LTC4S: variants seen among roughly 807,000 people sequenced by gnomAD.
LTC4S encodes the protein LTC4 synthase.
LTC4S carries 18 observed loss-of-function variants against 19.6 expected under a neutral mutation model. The ratio of observed to expected loss-of-function variants is 0.92; its 90% CI spans 0.64 to 1.36. The LOEUF is 1.36. Among genes scored for constraint, LTC4S ranks in the 40% most tolerant of loss-of-function variants. The probability of loss-of-function intolerance (pLI) is 0.00; values close to 1 mark genes in which losing one functional copy is unlikely to be tolerated. For missense variants in LTC4S, 235 were observed against 212.2 expected (o/e 1.11, Z -0.67); for synonymous variants, 126 against 110.1 (o/e 1.14, Z -0.91).
chr5:179,795,515 A>G (rs1208177078), intron 1 of LTC4S, 69 bp from the exon 2 acceptor site: 5 of 1,543,482 alleles, frequency 3.2e-6, no homozygotes, highest in Non-Finnish European at 4.4e-6. Context: ...AGATTGCAGG[A>G]TCCCTCCCAC....
intron 1 of LTC4S, among the ~76,000 whole-genome samples, chr5:179,794,477 T>C (rs779803845): frequency 1.2e-4 from 18 of 152,086 alleles, no homozygotes; most frequent in Non-Finnish European, 8.8e-5. Flanking sequence ...TGGAGCAGGG[T>C]AGAGGTGGGA....
At position 179,795,975 on chromosome 5, in the gene LTC4S, C is replaced by A; in HGVS notation, c.264C>A (p.Phe88Leu). Residue 88 changes from phenylalanine to leucine, a missense_variant, in exon 4 of 5, where the codon TTC becomes TTA. Transcript: ENST00000292596. ...CCCTGTGCGGCCTGGTCTACCTGTTCGCGCGCCTCCGCTACTTCCAGGGCT... is the reference window on the plus strand; with the variant it reads ...CCCTGTGCGGCCTGGTCTACCTGTTAGCGCGCCTCCGCTACTTCCAGGGCT... ...AAALCGLVYL[F>L]ARLRYFQGYA... 1 of 1,543,092 alleles carries A rather than the reference C, an allele frequency of 6.5e-7. No individual in the cohort carries two copies. Among genetic ancestry groups the A allele is most frequent in the Non-Finnish European group, 8.7e-7 (1 of 1,150,556 alleles).
chr5:179,795,563 C>T, intron 1 of LTC4S, 21 bp from the exon 2 acceptor site: 2 of 1,598,644 alleles, frequency 1.3e-6, no homozygotes, highest in East Asian at 2.3e-5. Context: ...GACCTGACTC[C>T]CGCTCCCCCT....
intron 2 of LTC4S, 47 bp from the exon 3 acceptor site, chr5:179,795,739 C>T (rs1756584650): frequency 6.4e-7 from 1 of 1,565,322 alleles, no homozygotes. Flanking sequence ...GGGTCCGGGT[C>T]GCAGGACCAT....
Position 179,794,041 on chromosome 5 carries a change from C to G in LTC4S, c.-40C>G. 16 of 1,613,202 alleles carry G rather than the reference C, an allele frequency of 9.9e-6. No homozygotes were observed. The highest frequency in any genetic ancestry group is 1.4e-5 in the Non-Finnish European group (16 of 1,179,822). ...AGACGGGGCTAAGCGTTCCCCAGCT[C>G]GCCTTCACACACAGCCCGTGCCACC... is the stretch of plus-strand genomic sequence containing the variant. On this transcript the variant is annotated 5_prime_UTR_variant, in exon 1 of 5. Transcript: ENST00000292596.
Position 179,795,575 on chromosome 5 carries a change from C to T in LTC4S, c.59-9C>T. 6.2e-7 allele frequency: 1 copy of T among 1,606,116 alleles called. No individual in the cohort carries two copies. Among genetic ancestry groups the T allele is most frequent in the Non-Finnish European group, 8.5e-7 (1 of 1,177,166 alleles). On this transcript the variant is annotated splice_polypyrimidine_tract_variant and intron_variant, in intron 1 of 4. Transcript: ENST00000292596. ...CCAGACCTGACTCCCGCTCCCCCTC[C>T]TCCCCCAGCCTACTTCTCCCTGCAG...
chr5:179,796,445 A>C lies in LTC4S; in HGVS notation c.*51A>C, dbSNP rs956810591. 6.9e-7 allele frequency: 1 copy of C among 1,452,304 alleles called. No homozygotes were observed. The highest frequency in any genetic ancestry group is 9.0e-7 in the Non-Finnish European group (1 of 1,107,138). 90.0% of individuals were successfully genotyped at this position (1,452,304 alleles called of 1,614,324 possible). ...CCGGGAAAGAAGAGCCGGAGCCTCC[A>C]GCTGCCCCGGGGAGGGGCGCTCGCT... On this transcript the variant is annotated 3_prime_UTR_variant, in exon 5 of 5. Transcript: ENST00000292596.
At chr5:179,795,747 C>T in intron 2 of LTC4S, 39 bp from the exon 3 acceptor site, 2 of 1,567,494 alleles carry the variant, frequency 1.3e-6, no homozygotes, top group South Asian at 2.3e-5. Context: ...GTCGCAGGAC[C>T]ATCCCGGCCG....
In LTC4S at chr5:179,795,592, T is replaced by C. The variant is rs777587042; in HGVS notation, c.67T>C (p.Ser23Pro). 3 of 1,609,178 alleles carry C rather than the reference T, an allele frequency of 1.9e-6. No homozygotes were observed. The African/African-American group carries it at 4.0e-5, about 22-fold the overall frequency. Residue 23 changes from serine (S) to proline (P), a missense_variant, in exon 2 of 5, where the codon TCC becomes CCC. Ser to Pro is a moderately conservative substitution (Grantham distance 74, BLOSUM62 -1). Transcript: ENST00000292596. ...TCCCCCTCCTCCCCCAGCCTACTTCTCCCTGCAGGTGATCTCGGCGCGCAG... is the reference window on the plus strand; with the variant it reads ...TCCCCCTCCTCCCCCAGCCTACTTCCCCCTGCAGGTGATCTCGGCGCGCAG... ...LLGVLLQAYF[S>P]LQVISARRAF...
At chr5:179,795,710 C>G (rs1444806219) in intron 2 of LTC4S, 27 bp downstream of exon 2, 6 of 1,571,086 alleles carry the variant, frequency 3.8e-6, no homozygotes, top group Non-Finnish European at 5.2e-6. Context: ...GGGCGCGGGG[C>G]GGGGAGCGAG....
Position 179,796,281 on chromosome 5 carries a change from G to A in LTC4S, c.340G>A (p.Ala114Thr). 6.8e-7 allele frequency: 1 copy of A among 1,468,388 alleles called. No homozygotes were observed. The highest frequency in any genetic ancestry group is 9.0e-7 in the Non-Finnish European group (1 of 1,116,220). The allele number at this position is 1,468,388 out of a possible 1,614,324, so 91.0% of individuals were successfully genotyped here. A position where few individuals can be genotyped will look rare whatever the true frequency, so the allele number is the denominator to read the frequency against. The change falls in exon 5 of 5, where the codon GCC becomes ACC. Residue 114 changes from alanine (A) to threonine (T), a missense_variant. By Grantham distance (58) the Ala-to-Thr change is moderately conservative. Coordinates refer to ENST00000292596, the MANE Select transcript of LTC4S (RefSeq NM_145867.2). ...GGCACCGCTGTACGCGAGCGCGCGC[G>A]CCCTCTGGCTGCTGGTGGCGCTGGC... ...RLAPLYASAR[A>T]LWLLVALAAL...
rs751120439 is a variant in LTC4S at position 179,795,838 on chromosome 5, G to C, written c.211G>C (p.Gly71Arg). The change falls in exon 3 of 5, where the codon GGC becomes CGC. Residue 71 changes from glycine to arginine, a missense_variant. Gly to Arg is a moderately radical substitution (Grantham distance 125). Coordinates refer to ENST00000292596, the MANE Select transcript of LTC4S (RefSeq NM_145867.2). ...GTTCCTCGCCACGCTCTGGGTCGCC[G>C]GCATCTTCTTTCATGAAGGTCGGGG... is the stretch of plus-strand genomic sequence containing the variant. ...PLFLATLWVA[G>R]IFFHEGAAAL... 5.0e-6 allele frequency: 8 copies of C among 1,606,414 alleles called. No homozygotes were observed. In the East Asian group the frequency reaches 1.1e-4, roughly 22 times the overall value.
At position 179,796,505 on chromosome 5, in the gene LTC4S, G is replaced by A; in HGVS notation, c.*111G>A. 3 of 1,332,036 alleles carry A rather than the reference G, an allele frequency of 2.3e-6. No individual in the cohort carries two copies. The highest frequency in any genetic ancestry group is 2.9e-6 in the Non-Finnish European group (3 of 1,040,306). The allele number at this position is 1,332,036 out of a possible 1,614,324, so 82.5% of individuals were successfully genotyped here. The stretch of plus-strand genomic sequence containing the variant: ...TAGTCTCTATCATTAAAGTTCTAGT[G>A]ACCGAGACCCGGGCTGCGTTCTCTG... On this transcript the variant is annotated 3_prime_UTR_variant, in exon 5 of 5. Transcript: ENST00000292596.
chr5:179,796,298 G>A lies in LTC4S; in HGVS notation c.357G>A (p.Val119=), dbSNP rs939789578. 3.4e-6 allele frequency: 5 copies of A among 1,473,360 alleles called. No individual in the cohort carries two copies. In the African/African-American group the frequency reaches 4.4e-5, roughly 13 times the overall value. The allele number at this position is 1,473,360 out of a possible 1,614,324, so 91.3% of individuals were successfully genotyped here. ...YASARALWLL[V]ALAALGLLAH... Reference sequence around the variant, plus strand: ...GCGCGCGCGCCCTCTGGCTGCTGGTGGCGCTGGCTGCGCTCGGCCTGCTCG... The same window carrying A: ...GCGCGCGCGCCCTCTGGCTGCTGGTAGCGCTGGCTGCGCTCGGCCTGCTCG... Residue 119 remains valine (V), a synonymous_variant, in exon 5 of 5, where the codon GTG becomes GTA. Coordinates refer to ENST00000292596, the MANE Select transcript of LTC4S (RefSeq NM_145867.2).
intron 1 of LTC4S, chr5:179,795,377 C>T: frequency 7.0e-7 from 1 of 1,434,452 alleles, no homozygotes; most frequent in Non-Finnish European, 9.1e-7. Flanking sequence ...AGGCTTCAGC[C>T]CTGCCCTCCT....
In LTC4S at chr5:179,796,260, C is replaced by T. The variant is rs952901639; in HGVS notation, c.319C>T (p.Pro107Ser). ...YARSAQLRLA[P>S]LYASARALWL... Reference sequence around the variant, plus strand: ...GCTGACCGCCGCCCGCAGGCTGGCACCGCTGTACGCGAGCGCGCGCGCCCT... The same window carrying T: ...GCTGACCGCCGCCCGCAGGCTGGCATCGCTGTACGCGAGCGCGCGCGCCCT... Residue 107 changes from proline (P) to serine (S), a missense_variant, in exon 5 of 5, where the codon CCG becomes TCG. By Grantham distance (74) the Pro-to-Ser change is moderately conservative (BLOSUM62 -1). Coordinates refer to ENST00000292596, the MANE Select transcript of LTC4S (RefSeq NM_145867.2). 8 of 1,465,516 alleles carry T rather than the reference C, an allele frequency of 5.5e-6. No homozygotes were observed. The African/African-American group carries it at 1.0e-4, about 19-fold the overall frequency. 90.8% of individuals were successfully genotyped at this position (1,465,516 alleles called of 1,614,324 possible).
At position 179,796,438 on chromosome 5, in the gene LTC4S, A is replaced by C; in HGVS notation, c.*44A>C. Reference sequence around the variant, plus strand: ...GACGGAGCCGGGAAAGAAGAGCCGGAGCCTCCAGCTGCCCCGGGGAGGGGC... The same window carrying C: ...GACGGAGCCGGGAAAGAAGAGCCGGCGCCTCCAGCTGCCCCGGGGAGGGGC... On this transcript the variant is annotated 3_prime_UTR_variant, in exon 5 of 5. Coordinates refer to ENST00000292596, the MANE Select transcript of LTC4S (RefSeq NM_145867.2). 6.8e-7 allele frequency: 1 copy of C among 1,461,682 alleles called. No individual in the cohort carries two copies. Among genetic ancestry groups the C allele is most frequent in the Non-Finnish European group, 9.0e-7 (1 of 1,111,276 alleles). 90.5% of individuals were successfully genotyped at this position (1,461,682 alleles called of 1,614,324 possible). A position where few individuals can be genotyped will look rare whatever the true frequency, so the allele number is the denominator to read the frequency against.
Position 179,796,472 on chromosome 5 carries a change from C to A in LTC4S, c.*78C>A. On this transcript the variant is annotated 3_prime_UTR_variant, in exon 5 of 5. Coordinates refer to ENST00000292596, the MANE Select transcript of LTC4S (RefSeq NM_145867.2). ...CTGCCCCGGGGAGGGGCGCTCGCTT[C>A]CGCATCCTAGTCTCTATCATTAAAG... 7.1e-7 allele frequency: 1 copy of A among 1,404,074 alleles called. No homozygotes were observed. Among genetic ancestry groups the A allele is most frequent in the Admixed American group, 3.3e-5 (1 of 30,560 alleles). 87.0% of individuals were successfully genotyped at this position (1,404,074 alleles called of 1,614,324 possible).
Position 179,796,009 on chromosome 5 carries a change from T to C in LTC4S, c.298T>C (p.Ser100Pro). ...CCGCTACTTCCAGGGCTACGCGCGC[T>C]CCGCGCAGCTCAGGTGAGGGCCGGG... ...RLRYFQGYAR[S>P]AQLRLAPLYA... Residue 100 changes from serine to proline, a missense_variant, in exon 4 of 5, where the codon TCC becomes CCC. Transcript: ENST00000292596. 6.7e-7 allele frequency: 1 copy of C among 1,492,798 alleles called. No homozygotes were observed. The highest frequency in any genetic ancestry group is 2.0e-5 in the Admixed American group (1 of 49,714). 92.5% of individuals were successfully genotyped at this position (1,492,798 alleles called of 1,614,324 possible).
Sources: gnomAD v4.1 joint callset for allele counts (sites outside exome capture counted in the v4.1 genomes callset) on GRCh38, gnomAD v4.1.1 for gene constraint, MANE v1.5 for transcripts, NCBI Gene and HGNC (gene_info 2026-07-23, HGNC 2026-07-21) for gene names.